Variants in SH3D19 observed in about 807,000 individuals in gnomAD.
SH3D19 encodes the protein SH3 domain containing 19.
SH3D19 carries 58 observed loss-of-function variants against 112.1 expected under a neutral mutation model. That is an observed-to-expected ratio of 0.52 (90% CI 0.42 to 0.64). The LOEUF (loss-of-function observed/expected upper bound fraction) is 0.64, where lower values mean the gene tolerates loss of function less well. Among genes scored for constraint, SH3D19 ranks in the 30% least tolerant of loss-of-function variants. SH3D19 has a pLI of 0.00. For synonymous variants in SH3D19, 391 were observed against 448.5 expected (o/e 0.87, Z 1.62); for missense variants, 1,090 against 1,263.4 (o/e 0.86, Z 2.08).
In SH3D19 at chr4:151,137,857, C is replaced by T. The variant is rs1019730737; in HGVS notation, c.2302G>A (p.Val768Ile). The change falls in exon 14 of 20, where the codon GTT (valine) becomes ATT (isoleucine). Residue 768 changes from valine (V) to isoleucine (I), a missense_variant. By Grantham distance (29) the Val-to-Ile change is conservative (BLOSUM62 3). Transcript: ENST00000604030. The part of the protein sequence containing the change: ...VVLHDFPAEQ[V>I]DDLNLTSGEI... ...CCAGAAGTGAGGTTCAAATCATCAA[C>T]TTGCTCTGTAATATAAAATTATAGT... 6.3e-7 allele frequency: 1 copy of T among 1,598,232 alleles called. No individual in the cohort carries two copies. The highest frequency in any genetic ancestry group is 8.5e-7 in the Non-Finnish European group (1 of 1,175,438).
At position 151,265,283 on chromosome 4, in the gene SH3D19, C is replaced by T. The variant is rs59810754; in HGVS notation, c.113-39197G>A. ...ACCACAGAATTTCAAACAAGGCATA[C>T]TTGACACTGTGGAAAATGCTTCAGC... On this transcript the variant is annotated intron_variant, in intron 1 of 19. Coordinates refer to ENST00000604030, the MANE Select transcript of SH3D19 (RefSeq NM_001378122.1). Among the ~76,000 whole-genome samples the T allele has an allele frequency of 1.4e-3, 215 of 151,166 alleles. 2 individuals are homozygous for T. The highest frequency in any genetic ancestry group is 5.0e-3 in the African/African-American group (205 of 41,202).
At chr4:151,148,252 C>G in intron 10 of SH3D19, 66 bp from the exon 11 acceptor site, 2 of 1,267,444 alleles carry the variant, frequency 1.6e-6, no homozygotes, top group Non-Finnish European at 2.1e-6. Flanking sequence ...CCTGTCCTGT[C>G]TTACACACAC....
chr4:151,248,778 T>C (rs987333474), intron 1 of SH3D19, among the ~76,000 whole-genome samples: 2 of 152,082 alleles, frequency 1.3e-5, no homozygotes, highest in African/African-American at 4.8e-5. Flanking sequence ...TACCTCTTTC[T>C]TTCCCTCCTC....
intron 1 of SH3D19, among the ~76,000 whole-genome samples, chr4:151,258,926 G>A (rs1772154882): frequency 6.7e-6 from 1 of 149,044 alleles, no homozygotes; most frequent in Admixed American, 6.7e-5. Flanking sequence ...TTCTGCTGGG[G>A]ATTTCGGGTG....
At chr4:151,210,336 T>C (rs966577795) in intron 2 of SH3D19, among the ~76,000 whole-genome samples, 2 of 151,858 alleles carry the variant, frequency 1.3e-5, no homozygotes, top group Non-Finnish European at 2.9e-5. Flanking sequence ...GCCATGAAAA[T>C]CATGTTATGG....
intron 1 of SH3D19, among the ~76,000 whole-genome samples, chr4:151,242,632 A>C (rs1259395406): frequency 2.0e-5 from 3 of 152,236 alleles, no homozygotes; most frequent in Non-Finnish European, 4.4e-5. Context: ...GCTTGTAAAA[A>C]GGAAAAACTG....
chr4:151,125,845 CAAAAAAAAAAAAA>C (rs66688611), intron 19 of SH3D19, among the ~76,000 whole-genome samples: 1 of 94,238 alleles, frequency 1.1e-5, no homozygotes, highest in Non-Finnish European at 2.1e-5. Context: ...ATCTCAAAAA[CAAAAAAAAAAAAA>C]AAAAAAAAGA....
intron 16 of SH3D19, 89 bp from the exon 17 acceptor site, chr4:151,132,472 G>T: frequency 8.4e-7 from 1 of 1,195,198 alleles, no homozygotes; most frequent in Non-Finnish European, 1.2e-6. Flanking sequence ...GAGGTGGGAG[G>T]TGGGAGTGAA....
chr4:151,290,688 A>C (rs944217500), intron 1 of SH3D19, among the ~76,000 whole-genome samples: 1 of 152,210 alleles, frequency 6.6e-6, no homozygotes, highest in Non-Finnish European at 1.5e-5. Flanking sequence ...ATGACAGTAA[A>C]GCTGTTACAA....
intron 2 of SH3D19, among the ~76,000 whole-genome samples, chr4:151,211,472 A>G (rs1765959969): frequency 6.6e-6 from 1 of 152,164 alleles, no homozygotes; most frequent in South Asian, 2.1e-4. Context: ...CTTCATTTTA[A>G]GCTGAAAGCT....
At position 151,159,173 on chromosome 4, in the gene SH3D19, A is replaced by G. The variant is rs1756702091; in HGVS notation, c.1755+67T>C. 20 of 859,682 alleles carry G rather than the reference A, an allele frequency of 2.3e-5. No individual in the cohort carries two copies. In the South Asian group the frequency reaches 4.0e-4, roughly 17 times the overall value. The allele number at this position is 859,682 out of a possible 1,614,324, so 53.3% of individuals were successfully genotyped here. On this transcript the variant is annotated intron_variant, in intron 9 of 19. Coordinates refer to ENST00000604030, the MANE Select transcript of SH3D19 (RefSeq NM_001378122.1). ...CCAGTAATAAAATAATTTAGATATT[A>G]GCTGACTATTCAAAATTAATGCATA...
At chr4:151,253,720 G>A (rs1449199972) in intron 1 of SH3D19, among the ~76,000 whole-genome samples, 2 of 142,424 alleles carry the variant, frequency 1.4e-5, no homozygotes, top group East Asian at 2.0e-4. Context: ...CAGCCTGGGC[G>A]ACAGAGCGAG....
intron 13 of SH3D19, among the ~76,000 whole-genome samples, chr4:151,138,551 G>T (rs1425433630): frequency 2.0e-5 from 3 of 151,762 alleles, no homozygotes; most frequent in Non-Finnish European, 2.9e-5. Context: ...AAAAAAATTA[G>T]CCAGGTGTAG....
intron 1 of SH3D19, among the ~76,000 whole-genome samples, chr4:151,316,759 C>T (rs1302252324): frequency 2.6e-5 from 4 of 151,962 alleles, no homozygotes; most frequent in Admixed American, 2.6e-4. Context: ...GCTTACAGTT[C>T]CTGAAGGTGA....
intron 2 of SH3D19, among the ~76,000 whole-genome samples, chr4:151,193,416 T>C (rs1762948569): frequency 6.6e-6 from 1 of 152,302 alleles, no homozygotes; most frequent in Middle Eastern, 3.4e-3. Context: ...AAATTGGCAA[T>C]AAATACTGTA....
chr4:151,259,747 G>A lies in SH3D19; in HGVS notation c.113-33661C>T, dbSNP rs572241291. The A allele has an allele frequency of 5.3e-5, 8 of 152,354 alleles. No homozygotes were observed. The South Asian group carries it at 1.4e-3, about 28-fold the overall frequency. The allele number at this position is 152,354 out of a possible 1,614,324, so 9.4% of individuals were successfully genotyped here. A position where few individuals can be genotyped will look rare whatever the true frequency, so the allele number is the denominator to read the frequency against. The stretch of plus-strand genomic sequence containing the variant: ...CACTGCCCAATACACTATGTTGTGC[G>A]TTATTAATGGGTTCAAATACTTCCT... On this transcript the variant is annotated intron_variant, in intron 1 of 19. Transcript: ENST00000604030.
At chr4:151,314,484 G>A (rs75486734) in intron 1 of SH3D19, among the ~76,000 whole-genome samples, 10,662 of 152,100 alleles carry the variant, frequency 0.07, 1,159 homozygotes, top group African/African-American at 0.23. Context: ...ACGGTGGAGT[G>A]GGGGCCTCAT....
chr4:151,228,691 T>C (rs1769337797), intron 1 of SH3D19, among the ~76,000 whole-genome samples: 1 of 152,220 alleles, frequency 6.6e-6, no homozygotes, highest in African/African-American at 2.4e-5. Context: ...ATTCAGAATC[T>C]GCTTTCTTGC....
At position 151,123,054 on chromosome 4, in the gene SH3D19, G is replaced by A. The variant is rs558134710; in HGVS notation, c.3028-847C>T. Among the ~76,000 whole-genome samples the A allele has an allele frequency of 9.2e-5, 14 of 152,236 alleles. No individual in the cohort carries two copies. In the South Asian group the frequency reaches 2.9e-3, roughly 32 times the overall value. On this transcript the variant is annotated intron_variant, in intron 19 of 19. Coordinates refer to ENST00000604030, the MANE Select transcript of SH3D19 (RefSeq NM_001378122.1). ...TTTAGTAGAGACAGGGTTTCACCAT[G>A]TTGGCCAGGCTGGTCTCAAACTCCT...
Sources: allele counts gnomAD v4.1 joint callset (sites outside exome capture counted in the v4.1 genomes callset), GRCh38; gene constraint gnomAD v4.1.1; transcripts MANE v1.5; gene names NCBI Gene and HGNC (gene_info 2026-07-23, HGNC 2026-07-21).